Variants in ZNF618 observed in about 807,000 individuals in gnomAD.
The protein encoded by ZNF618 is neural precursor cell expressed, developmentally down-regulated 10.
In ZNF618, 34 loss-of-function variants were observed where a neutral mutation model predicts 103.0. That is an observed-to-expected ratio of 0.33 (90% CI 0.25 to 0.44). The LOEUF is 0.44. Ranked by LOEUF, ZNF618 falls within the 20% of genes least tolerant of loss-of-function variation. The pLI is 1.00. For missense variants in ZNF618, 1,059 were observed against 1,295.4 expected, an observed-to-expected ratio of 0.82 and a Z score of 2.80; for synonymous variants, 551 against 542.2, an observed-to-expected ratio of 1.02 and a Z score of -0.23.
At chr9:114,014,380 T>C (rs1350499049) in intron 9 of ZNF618, among the ~76,000 whole-genome samples, 4 of 152,226 alleles carry the variant, frequency 2.6e-5, no homozygotes, top group Non-Finnish European at 4.4e-5. Flanking sequence ...AAATTCCCTA[T>C]CATGGGTTTT....
At chr9:113,887,818 G>A (rs1829220987) in intron 1 of ZNF618, among the ~76,000 whole-genome samples, 1 of 152,124 alleles carries the variant, frequency 6.6e-6, no homozygotes, top group Non-Finnish European at 1.5e-5. Context: ...GCCATGTGTT[G>A]GAAATTCAGC....
At chr9:113,910,856 A>T (rs1831478791) in intron 1 of ZNF618, among the ~76,000 whole-genome samples, 2 of 149,812 alleles carry the variant, frequency 1.3e-5, no homozygotes, top group Non-Finnish European at 3.0e-5. Flanking sequence ...TTTGAGATGG[A>T]GTCTTGCTCT....
Position 114,049,182 on chromosome 9 carries a change from C to G in ZNF618, c.1880C>G (p.Ser627Cys), listed in dbSNP as rs199917045. The G allele has an allele frequency of 2.5e-6, 4 of 1,613,800 alleles. No individual in the cohort carries two copies. The South Asian group carries it at 4.4e-5, about 18-fold the overall frequency. The stretch of plus-strand genomic sequence containing the variant: ...TGCCGGGTGAGCACGTCCGCCTTCT[C>G]CAAGGCCGGCATGTGCCTTCGCTGC... The part of the protein sequence containing the change: ...TDCRVSTSAF[S>C]KAGMCLRCSA... Residue 627 changes from serine (S) to cysteine (C), a missense_variant, in exon 15 of 15, where the codon TCC becomes TGC. Around this residue, in one of 6 missense-constraint regions of ZNF618, gnomAD observed 272 missense variants for 380.1 expected, o/e 0.72. Coordinates refer to ENST00000374126, the MANE Select transcript of ZNF618 (RefSeq NM_001318042.2).
chr9:113,922,705 T>C (rs955007356), intron 1 of ZNF618, among the ~76,000 whole-genome samples: 1 of 152,206 alleles, frequency 6.6e-6, no homozygotes, highest in African/African-American at 2.4e-5. Context: ...TTACTGTACC[T>C]TTATAGTAAG....
intron 1 of ZNF618, among the ~76,000 whole-genome samples, chr9:113,951,403 G>GTA (rs1168390870): frequency 4.8e-5 from 2 of 41,872 alleles, no homozygotes; most frequent in African/African-American, 9.4e-5. Context: ...ATATATATAC[G>GTA]TATATATACA....
At chr9:113,990,124 A>C (rs1054507668) in intron 3 of ZNF618, among the ~76,000 whole-genome samples, 2 of 151,956 alleles carry the variant, frequency 1.3e-5, no homozygotes, top group Non-Finnish European at 2.9e-5. Flanking sequence ...GCCTTCCCCC[A>C]TTTCCACTTG....
In ZNF618 at chr9:114,047,947, T is replaced by C. The variant is rs780005482; in HGVS notation, c.1301T>C (p.Val434Ala). The C allele has an allele frequency of 8.1e-5, 129 of 1,601,692 alleles. No homozygotes were observed. The highest frequency in any genetic ancestry group is 1.1e-4 in the Non-Finnish European group (124 of 1,174,198). The change falls in exon 14 of 15, where the codon GTA becomes GCA. Residue 434 changes from valine to alanine, a missense_variant. Around this residue, in one of 6 missense-constraint regions of ZNF618, gnomAD observed 434 missense variants for 476.0 expected, o/e 0.91. Transcript: ENST00000374126. ...SNQSRSPPAV[V>A]EEKWKPQAQR... The stretch of plus-strand genomic sequence containing the variant: ...CAGTCCCGATCGCCACCTGCTGTTG[T>C]AGAAGAGAAGTGGAAACCTCAGGCC...
chr9:113,996,914 G>A (rs1453209186), intron 3 of ZNF618, among the ~76,000 whole-genome samples: 1 of 152,172 alleles, frequency 6.6e-6, no homozygotes, highest in Non-Finnish European at 1.5e-5. Context: ...GGATCCCCAA[G>A]GCCTACTTTG....
At chr9:114,033,645 G>A (rs1264815400) in intron 12 of ZNF618, among the ~76,000 whole-genome samples, 1 of 152,186 alleles carries the variant, frequency 6.6e-6, no homozygotes, top group Non-Finnish European at 1.5e-5. Flanking sequence ...GTCAGCCTGG[G>A]GGGTGCCTGG....
intron 1 of ZNF618, among the ~76,000 whole-genome samples, chr9:113,885,625 C>G (rs1005371759): frequency 5.3e-5 from 8 of 152,170 alleles, no homozygotes; most frequent in African/African-American, 1.4e-4. Flanking sequence ...TGTGGCCTGC[C>G]TAGCCCTGGA....
chr9:114,038,947 A>G (rs1844874831), intron 13 of ZNF618, among the ~76,000 whole-genome samples: 2 of 152,192 alleles, frequency 1.3e-5, no homozygotes, highest in South Asian at 4.1e-4. Context: ...ATATTCACTT[A>G]TTTAATTCTC....
chr9:113,876,582 C>G (rs1384077612), intron 1 of ZNF618, among the ~76,000 whole-genome samples, 169 bp downstream of exon 1: 1 of 150,884 alleles, frequency 6.6e-6, no homozygotes, highest in Admixed American at 6.6e-5. Flanking sequence ...AGCACCCCCC[C>G]GGGCGCTGCG....
chr9:113,884,764 C>T (rs1292544001), intron 1 of ZNF618, among the ~76,000 whole-genome samples: 1 of 129,492 alleles, frequency 7.7e-6, no homozygotes, highest in African/African-American at 2.9e-5. Flanking sequence ...CTTATCGAGA[C>T]ACAAACACAC....
In ZNF618 at chr9:114,047,890, C is replaced by A; in HGVS notation, c.1247-3C>A. The A allele has an allele frequency of 6.3e-7, 1 of 1,594,570 alleles. No homozygotes were observed. Among genetic ancestry groups the A allele is most frequent in the African/African-American group, 1.3e-5 (1 of 74,688 alleles). On this transcript the variant is annotated splice_polypyrimidine_tract_variant and splice_region_variant and intron_variant, in intron 13 of 14. Transcript: ENST00000374126. The stretch of plus-strand genomic sequence containing the variant: ...TAACACACTGTCCCCTTTGTGCCCA[C>A]AGCTGACAATGAAAACAACATTGCC...
At chr9:114,009,128 G>A (rs1842023261) in intron 9 of ZNF618, among the ~76,000 whole-genome samples, 1 of 152,216 alleles carries the variant, frequency 6.6e-6, no homozygotes, top group African/African-American at 2.4e-5. Context: ...TGGGCACACA[G>A]CTGAGAACAG....
chr9:113,914,104 G>A (rs1285391199), intron 1 of ZNF618, among the ~76,000 whole-genome samples: 1 of 152,060 alleles, frequency 6.6e-6, no homozygotes. Flanking sequence ...CATGCTGCTG[G>A]CTAATATAAG....
At chr9:113,887,041 C>T (rs1429671305) in intron 1 of ZNF618, among the ~76,000 whole-genome samples, 1 of 130,180 alleles carries the variant, frequency 7.7e-6, no homozygotes, top group Non-Finnish European at 1.5e-5. Flanking sequence ...CCCTCCATGG[C>T]TCATATTATA....
intron 1 of ZNF618, among the ~76,000 whole-genome samples, chr9:113,899,882 A>G (rs997480870): frequency 5.9e-5 from 9 of 152,092 alleles, no homozygotes; most frequent in African/African-American, 1.2e-4. Flanking sequence ...CTATTAATGG[A>G]TATATCAGTT....
chr9:114,044,675 C>T (rs540433037), intron 13 of ZNF618, among the ~76,000 whole-genome samples: 4 of 152,148 alleles, frequency 2.6e-5, no homozygotes, highest in South Asian at 2.1e-4. Context: ...TCCATGAGCA[C>T]GGGATGTGTT....
Sources: allele counts gnomAD v4.1 joint callset (sites outside exome capture counted in the v4.1 genomes callset), GRCh38; gene constraint gnomAD v4.1.1; regional missense constraint gnomAD v4.1.1; transcripts MANE v1.5; gene names NCBI Gene and HGNC (gene_info 2026-07-23, HGNC 2026-07-21).